The following CELF4 variants were observed in gnomAD, a reference collection of about 807,000 sequenced individuals.
The protein encoded by CELF4 is CUG-BP- and ETR-3-like factor 4.
Under a neutral mutation model 59.9 loss-of-function variants are expected in CELF4, and 18 were observed. The observed-to-expected ratio is 0.30, with a 90% CI of 0.21 to 0.45. The LOEUF is 0.45. Ranked by LOEUF, CELF4 falls within the 20% of genes least tolerant of loss-of-function variation. CELF4 has a pLI of 1.00. For synonymous variants in CELF4, 261 were observed against 267.1 expected (o/e 0.98, Z 0.22); for missense variants, 456 against 689.0 (o/e 0.66, Z 3.79).
intron 2 of CELF4, among the ~76,000 whole-genome samples, chr18:37,384,601 C>T (rs2099079266): frequency 6.6e-6 from 1 of 152,098 alleles, no homozygotes. Flanking sequence ...TGTTGGGAGC[C>T]TTGCCAGGAA....
At chr18:37,459,327 G>T (rs1342421331) in intron 2 of CELF4, among the ~76,000 whole-genome samples, 1 of 151,982 alleles carries the variant, frequency 6.6e-6, no homozygotes, top group East Asian at 1.9e-4. Flanking sequence ...AAAATGCTCT[G>T]TGTTCTCTCT....
rs79099758 is a variant in CELF4, at chr18:37,448,483, C to T, written c.369+37042G>A. ...GGTATGGCCCTATGCTGTCCCCTCC[C>T]GGCTGTGACCTCAGTGCCACGGCAG... On this transcript the variant is annotated intron_variant, in intron 2 of 12. Coordinates refer to ENST00000420428, the MANE Select transcript of CELF4 (RefSeq NM_020180.4). Among the ~76,000 whole-genome samples the T allele has an allele frequency of 3.2e-3, 488 of 152,348 alleles. 1 individual carries two copies. Among genetic ancestry groups the T allele is most frequent in the African/African-American group, 0.011 (453 of 41,588 alleles).
At chr18:37,552,667 T>A (rs545781759) in intron 1 of CELF4, among the ~76,000 whole-genome samples, 1 of 152,292 alleles carries the variant, frequency 6.6e-6, no homozygotes, top group South Asian at 2.1e-4. Flanking sequence ...AAGGGAGAAA[T>A]AAACCAAAGC....
At chr18:37,540,099 G>T (rs1323116887) in intron 1 of CELF4, among the ~76,000 whole-genome samples, 2 of 152,200 alleles carry the variant, frequency 1.3e-5, no homozygotes. Flanking sequence ...CTGACTGTGG[G>T]CTCAGACCCC....
intron 2 of CELF4, among the ~76,000 whole-genome samples, chr18:37,387,944 G>A (rs1325369157): frequency 1.3e-5 from 2 of 152,138 alleles, no homozygotes; most frequent in African/African-American, 2.4e-5. Flanking sequence ...TTTCTCCCTA[G>A]TATTCATCCA....
At chr18:37,424,880 T>C (rs778147712) in intron 2 of CELF4, among the ~76,000 whole-genome samples, 5 of 152,192 alleles carry the variant, frequency 3.3e-5, no homozygotes, top group African/African-American at 4.8e-5. Context: ...TCTTGCTACC[T>C]GCCTGCTATT....
chr18:37,267,089 T>C (rs1787633), intron 8 of CELF4, among the ~76,000 whole-genome samples: 122,647 of 152,206 alleles, frequency 0.81, 49,723 homozygotes, highest in African/African-American at 0.89. Context: ...CACAGAGGGA[T>C]GCGCCCTCAC....
intron 2 of CELF4, among the ~76,000 whole-genome samples, chr18:37,412,986 G>C (rs1001025823): frequency 6.6e-6 from 1 of 152,126 alleles, no homozygotes; most frequent in Non-Finnish European, 1.5e-5. Context: ...GGCTGCGGGG[G>C]CTGGGCAGAG....
In CELF4 at chr18:37,380,740, TCATC is replaced by T. The variant is rs199799012; in HGVS notation, c.370-58863_370-58860del. On this transcript the variant is annotated intron_variant, in intron 2 of 12. Coordinates refer to ENST00000420428, the MANE Select transcript of CELF4 (RefSeq NM_020180.4). Reference sequence around the variant, plus strand: ...TTCCTCTATCCATTTATCCATCCAGTCATCCATCCATCCATCCATTCAACATCTC... The same window carrying T: ...TTCCTCTATCCATTTATCCATCCAGTCATCCATCCATCCATTCAACATCTC... Among the ~76,000 whole-genome samples the T allele has an allele frequency of 9.7e-3, 1,390 of 143,764 alleles. 32 individuals carry two copies. Among genetic ancestry groups the T allele is most frequent in the African/African-American group, 0.035 (1,322 of 38,042 alleles). The allele number at this position is 143,764 out of a possible 152,430, so 94.3% of individuals were successfully genotyped here. A position where few individuals can be genotyped will look rare whatever the true frequency, so the allele number is the denominator to read the frequency against.
chr18:37,538,521 C>G (rs1369833216), intron 1 of CELF4, among the ~76,000 whole-genome samples: 2 of 152,136 alleles, frequency 1.3e-5, no homozygotes, highest in African/African-American at 2.4e-5. Flanking sequence ...CCCCAAGCAC[C>G]CACAACGCTG....
At chr18:37,379,932 C>T (rs9967531) in intron 2 of CELF4, among the ~76,000 whole-genome samples, 3,071 of 152,198 alleles carry the variant, frequency 0.02, 37 homozygotes, top group African/African-American at 0.027. Context: ...TTTCCTGCTC[C>T]GGGGTTCCTC....
chr18:37,264,313 G>A (rs1475833537), intron 10 of CELF4, among the ~76,000 whole-genome samples: 1 of 152,204 alleles, frequency 6.6e-6, no homozygotes, highest in African/African-American at 2.4e-5. Context: ...CATTCAGAAG[G>A]GGTTCTCATA....
chr18:37,550,926 C>G (rs1283975871), intron 1 of CELF4, among the ~76,000 whole-genome samples: 1 of 152,228 alleles, frequency 6.6e-6, no homozygotes, highest in East Asian at 1.9e-4. Flanking sequence ...CCACCAGGGA[C>G]ACATCGGCCC....
At chr18:37,299,599 C>T (rs1231572594) in intron 3 of CELF4, among the ~76,000 whole-genome samples, 1 of 152,224 alleles carries the variant, frequency 6.6e-6, no homozygotes, top group African/African-American at 2.4e-5. Context: ...TCGGCTGTCT[C>T]CTGCGGCGTG....
chr18:37,406,040 T>C (rs1160267579), intron 2 of CELF4, among the ~76,000 whole-genome samples: 1 of 152,200 alleles, frequency 6.6e-6, no homozygotes, highest in Non-Finnish European at 1.5e-5. Flanking sequence ...AAAAAATTGC[T>C]ATAAATCTTT....
At chr18:37,277,701 C>G (rs558676862) in intron 3 of CELF4, among the ~76,000 whole-genome samples, 1 of 152,154 alleles carries the variant, frequency 6.6e-6, no homozygotes. Context: ...GAAATGGGAG[C>G]TTTTCCTTCT....
intron 1 of CELF4, among the ~76,000 whole-genome samples, chr18:37,564,265 G>A (rs1345049285): frequency 6.6e-6 from 1 of 152,110 alleles, no homozygotes; most frequent in Non-Finnish European, 1.5e-5. Flanking sequence ...ATTCATTCCC[G>A]CTGCACATCC....
chr18:37,344,151 T>C (rs1298635616), intron 2 of CELF4, among the ~76,000 whole-genome samples: 1 of 152,218 alleles, frequency 6.6e-6, no homozygotes, highest in Admixed American at 6.5e-5. Context: ...GGAGCCTTCC[T>C]CGAGAGGTTG....
intron 2 of CELF4, among the ~76,000 whole-genome samples, chr18:37,332,694 G>A (rs1040703181): frequency 6.6e-6 from 1 of 152,360 alleles, no homozygotes; most frequent in South Asian, 2.1e-4. Flanking sequence ...GCCCCTCCCT[G>A]CTAGGGGTTT....
Sources: gnomAD v4.1 joint callset for allele counts (sites outside exome capture counted in the v4.1 genomes callset) on GRCh38, gnomAD v4.1.1 for gene constraint, MANE v1.5 for transcripts, NCBI Gene and HGNC (gene_info 2026-07-23, HGNC 2026-07-21) for gene names.